The following RTN4RL2 variants were observed in gnomAD, a reference collection of about 807,000 sequenced individuals.
RTN4RL2 encodes the protein reticulon-4 receptor-like 2.
A neutral mutation model predicts 27.8 loss-of-function variants in RTN4RL2; 9 were observed. That is an observed-to-expected ratio of 0.32 (90% confidence interval 0.20 to 0.57). RTN4RL2 has a LOEUF of 0.57. Among genes scored for constraint, RTN4RL2 ranks in the 20% least tolerant of loss-of-function variants. RTN4RL2 has a pLI of 0.90. For synonymous variants in RTN4RL2, 285 were observed against 297.9 expected (o/e 0.96, Z 0.45); for missense variants, 436 against 596.8 (o/e 0.73, Z 2.81).
At position 57,467,982 on chromosome 11, in the gene RTN4RL2, G is replaced by A. The variant is rs1353924881; in HGVS notation, c.405G>A (p.Ser135=). ...DTFQGLERLQ[S]LHLYRCQLSS... ...TCCAGGGCCTGGAGCGGCTGCAGTC[G>A]CTGCATTTGTACCGCTGCCAGCTCA... Residue 135 remains serine, a synonymous_variant, in exon 2 of 3, where the codon TCG becomes TCA. Transcript: ENST00000335099. This position sits in a 1 kb window ranked among gnomAD's most constrained non-coding sequence, Gnocchi z 5.5. 27 of 1,607,918 alleles carry A rather than the reference G, an allele frequency of 1.7e-5. No individual in the cohort carries two copies. Among genetic ancestry groups the A allele is most frequent in the African/African-American group, 6.7e-5 (5 of 74,904 alleles).
rs563391265 is a variant in RTN4RL2, at chr11:57,462,061, G to A, written c.31+1165G>A. On this transcript the variant is annotated intron_variant, in intron 1 of 2. Transcript: ENST00000335099. The stretch of plus-strand genomic sequence containing the variant: ...GGGTGCTTTGAGCTCAGGGCCCTGG[G>A]GGTGGCTGTGAGGGACAGAGGGTGA... Among the ~76,000 whole-genome samples, 5 of 152,160 alleles carry A rather than the reference G, an allele frequency of 3.3e-5. No individual in the cohort carries two copies. The South Asian group carries it at 1.0e-3, about 32-fold the overall frequency.
intron 2 of RTN4RL2, chr11:57,468,450 TCTCC>T (rs1426955050): frequency 8.4e-6 from 8 of 956,628 alleles, no homozygotes; most frequent in Non-Finnish European, 1.3e-5. Flanking sequence ...CTTCTGTCTG[TCTCC>T]CTTCACACAC....
Position 57,470,306 on chromosome 11 carries a change from A to G in RTN4RL2, c.513+2216A>G, listed in dbSNP as rs542441345. Among the ~76,000 whole-genome samples the G allele has an allele frequency of 1.3e-3, 193 of 152,180 alleles. 1 individual carries two copies. The highest frequency in any genetic ancestry group is 4.6e-3 in the African/African-American group (190 of 41,518). On this transcript the variant is annotated intron_variant, in intron 2 of 2. Coordinates refer to ENST00000335099, the MANE Select transcript of RTN4RL2 (RefSeq NM_178570.3). ...TCTATCGCCCAGGCTGGAGTGCAGT[A>G]GTGCGATCTCGGCTCACTGCAACCT...
Position 57,476,990 on chromosome 11 carries a change from G to GC in RTN4RL2, c.*83dup. On this transcript the variant is annotated 3_prime_UTR_variant, in exon 3 of 3. Transcript: ENST00000335099. This position sits in a 1 kb window ranked among gnomAD's most constrained non-coding sequence, Gnocchi z 8.2. ...CGGGGCTGCGGCTCCGGCCCCAGTC[G>GC]CCCCACCTTCCCTGGCCTTGCTGCC... The GC allele has an allele frequency of 7.1e-7, 1 of 1,410,846 alleles. No individual in the cohort carries two copies. Among genetic ancestry groups the GC allele is most frequent in the Non-Finnish European group, 9.4e-7 (1 of 1,065,114 alleles). The allele number at this position is 1,410,846 out of a possible 1,614,324, so 87.4% of individuals were successfully genotyped here.
chr11:57,461,256 G>A (rs2135113254), intron 1 of RTN4RL2, among the ~76,000 whole-genome samples: 1 of 152,298 alleles, frequency 6.6e-6, no homozygotes, highest in East Asian at 1.9e-4. Flanking sequence ...CCTCCTGCCC[G>A]GTGCCTCAGC....
chr11:57,474,266 A>G (rs549357463), intron 2 of RTN4RL2, among the ~76,000 whole-genome samples: 3 of 152,208 alleles, frequency 2.0e-5, no homozygotes, highest in African/African-American at 7.2e-5. Flanking sequence ...ACGGATCTCA[A>G]TGTGGCCAAG....
chr11:57,466,037 G>A (rs534610364), intron 1 of RTN4RL2, among the ~76,000 whole-genome samples: 52 of 123,806 alleles, frequency 4.2e-4, no homozygotes, highest in Admixed American at 3.1e-3. Context: ...GTCTCGCTGT[G>A]TCACCCAGGC....
At chr11:57,463,335 C>G (rs1943497182) in intron 1 of RTN4RL2, among the ~76,000 whole-genome samples, 2 of 152,232 alleles carry the variant, frequency 1.3e-5, no homozygotes, top group Non-Finnish European at 2.9e-5. Flanking sequence ...GTACTCTCCC[C>G]TGCAGCTCTA....
chr11:57,466,424 C>T (rs1307060983), intron 1 of RTN4RL2, among the ~76,000 whole-genome samples: 1 of 152,154 alleles, frequency 6.6e-6, no homozygotes, highest in African/African-American at 2.4e-5. Context: ...AAGCTGTGAT[C>T]GTACCACTGC....
intron 2 of RTN4RL2, among the ~76,000 whole-genome samples, chr11:57,473,185 C>T (rs1291780660): frequency 6.6e-6 from 1 of 152,212 alleles, no homozygotes; most frequent in African/African-American, 2.4e-5. Context: ...ACAGAGTAGA[C>T]ACTCGGTACA....
At chr11:57,472,816 A>G (rs72925928) in intron 2 of RTN4RL2, among the ~76,000 whole-genome samples, 4,905 of 152,238 alleles carry the variant, frequency 0.032, 118 homozygotes, top group Non-Finnish European at 0.052. Context: ...AGCACAGTCC[A>G]AGGTCACCCA....
At chr11:57,468,510 C>A in intron 2 of RTN4RL2, 1 of 1,483,470 alleles carries the variant, frequency 6.7e-7, no homozygotes, top group South Asian at 1.2e-5. Flanking sequence ...GTGTATCTGT[C>A]TCTTTCTGTG....
intron 2 of RTN4RL2, among the ~76,000 whole-genome samples, chr11:57,469,697 G>A (rs1332167657): frequency 6.6e-6 from 1 of 152,186 alleles, no homozygotes; most frequent in African/African-American, 2.4e-5. Context: ...TCCTGAAGAT[G>A]TGGGTCAACT....
intron 1 of RTN4RL2, among the ~76,000 whole-genome samples, chr11:57,461,356 C>T (rs1362777519): frequency 7.0e-6 from 1 of 142,314 alleles, no homozygotes; most frequent in East Asian, 2.2e-4. Flanking sequence ...GTGGCCCTCT[C>T]TGGTAGGAGA....
intron 1 of RTN4RL2, among the ~76,000 whole-genome samples, chr11:57,463,706 C>T (rs2135115257): frequency 6.6e-6 from 1 of 151,780 alleles, no homozygotes; most frequent in South Asian, 2.1e-4. Flanking sequence ...GAGGCCTGGG[C>T]CTGGAGGGAA....
chr11:57,468,527 C>G, intron 2 of RTN4RL2: 1 of 1,523,306 alleles, frequency 6.6e-7, no homozygotes, highest in South Asian at 1.2e-5. Flanking sequence ...TGTGATCTCA[C>G]GTGTTTGCCT....
At position 57,476,355 on chromosome 11, in the gene RTN4RL2, A is replaced by C; in HGVS notation, c.707A>C (p.Asn236Thr). 1 of 1,611,228 alleles carries C rather than the reference A, an allele frequency of 6.2e-7. No individual in the cohort carries two copies. Among genetic ancestry groups the C allele is most frequent in the Non-Finnish European group, 8.5e-7 (1 of 1,179,452 alleles). The change falls in exon 3 of 3, where the codon AAC (asparagine) becomes ACC (threonine). Residue 236 changes from asparagine (N) to threonine (T), a missense_variant. Asn to Thr is a moderately conservative substitution (Grantham distance 65, BLOSUM62 0). Around this residue, in one of 3 missense-constraint regions of RTN4RL2, gnomAD observed 365 missense variants for 530.5 expected, o/e 0.69. Coordinates refer to ENST00000335099, the MANE Select transcript of RTN4RL2 (RefSeq NM_178570.3). This position sits in a 1 kb window ranked among gnomAD's most constrained non-coding sequence, Gnocchi z 8.2. ...CGCCTCACCATCCTCTACCTGTTCAACAACAGCCTGGCCTCGCTGCCCGGC... is the reference window on the plus strand; with the variant it reads ...CGCCTCACCATCCTCTACCTGTTCACCAACAGCCTGGCCTCGCTGCCCGGC... Reference protein sequence around the residue: ...LSRLTILYLFNNSLASLPGEA... With the variant: ...LSRLTILYLFTNSLASLPGEA...
chr11:57,460,921 C>A (rs1246892051), intron 1 of RTN4RL2, 25 bp downstream of exon 1: 17 of 1,368,696 alleles, frequency 1.2e-5, no homozygotes, highest in African/African-American at 3.0e-5. Context: ...GGCGGGAGAG[C>A]GGAGGGCATC....
intron 1 of RTN4RL2, among the ~76,000 whole-genome samples, chr11:57,462,878 C>A (rs974332708): frequency 1.3e-5 from 2 of 152,200 alleles, no homozygotes; most frequent in African/African-American, 4.8e-5. Flanking sequence ...CAACTGGAAG[C>A]CTAGGAGGTG....
Sources: allele counts gnomAD v4.1 joint callset (sites outside exome capture counted in the v4.1 genomes callset), GRCh38; gene constraint gnomAD v4.1.1; regional missense constraint gnomAD v4.1.1; non-coding constraint Gnocchi (gnomAD v3.1); transcripts MANE v1.5; gene names NCBI Gene and HGNC (gene_info 2026-07-23, HGNC 2026-07-21).